The following DDX10 variants were observed in gnomAD, a reference collection of about 807,000 sequenced individuals.
DDX10 encodes probable ATP-dependent RNA helicase DDX10.
In DDX10, 74 loss-of-function variants were observed where a neutral mutation model predicts 104.3. That is an observed-to-expected ratio of 0.71 (90% confidence interval 0.59 to 0.86). The LOEUF is 0.86. Ranked by LOEUF, DDX10 falls within the 40% of genes least tolerant of loss-of-function variation. DDX10 has a pLI of 0.00. For synonymous variants in DDX10, 351 were observed against 353.4 expected (o/e 0.99, Z 0.08); for missense variants, 952 against 1,040.0 (o/e 0.92, Z 1.16).
intron 13 of DDX10, among the ~76,000 whole-genome samples, chr11:108,764,720 A>G (rs537824187): frequency 6.6e-6 from 1 of 152,282 alleles, no homozygotes; most frequent in African/African-American, 2.4e-5. Flanking sequence ...CTGTGAATAT[A>G]AGCAATCACT....
At chr11:108,822,353 T>G in intron 13 of DDX10, 1 of 369,430 alleles carries the variant, frequency 2.7e-6, no homozygotes, top group South Asian at 2.3e-5. Context: ...GTAGCGTTTT[T>G]GAGATTAGCT....
chr11:108,868,966 CT>C (rs36048300), intron 16 of DDX10, among the ~76,000 whole-genome samples: 25 of 137,098 alleles, frequency 1.8e-4, no homozygotes, highest in Non-Finnish European at 2.2e-4. Context: ...AAGAATTAAG[CT>C]TTTTTTTTTT....
At chr11:108,936,593 T>A (rs978777802) in intron 17 of DDX10, among the ~76,000 whole-genome samples, 1 of 152,190 alleles carries the variant, frequency 6.6e-6, no homozygotes, top group Non-Finnish European at 1.5e-5. Context: ...ACAAATGGAC[T>A]CTCTCTTTTT....
At chr11:108,903,755 C>G (rs1011019440) in intron 16 of DDX10, among the ~76,000 whole-genome samples, 1 of 152,090 alleles carries the variant, frequency 6.6e-6, no homozygotes, top group Non-Finnish European at 1.5e-5. Context: ...AACCAAGCCC[C>G]CACAGATACC....
chr11:108,897,018 T>G (rs377059269), intron 16 of DDX10, among the ~76,000 whole-genome samples: 2 of 152,070 alleles, frequency 1.3e-5, no homozygotes. Context: ...TTTAAAAAAT[T>G]TCTTATTACA....
chr11:108,802,994 G>A (rs1335201114), intron 13 of DDX10, among the ~76,000 whole-genome samples: 2 of 152,308 alleles, frequency 1.3e-5, no homozygotes, highest in East Asian at 3.9e-4. Flanking sequence ...AAAGGAAAAA[G>A]CATAGTTTCC....
chr11:108,919,344 A>G (rs1863793071), intron 17 of DDX10: 1 of 152,218 alleles, frequency 6.6e-6, no homozygotes, highest in East Asian at 1.9e-4. Flanking sequence ...TGTTTGTGCC[A>G]TAAGGATTAA....
At chr11:108,816,711 C>G (rs890076693) in intron 13 of DDX10, among the ~76,000 whole-genome samples, 1 of 152,044 alleles carries the variant, frequency 6.6e-6, no homozygotes, top group Admixed American at 6.5e-5. Flanking sequence ...CACCACCAGG[C>G]CCGGCTAATT....
chr11:108,670,954 G>T (rs1236416356), intron 1 of DDX10, among the ~76,000 whole-genome samples: 2 of 152,116 alleles, frequency 1.3e-5, no homozygotes, highest in Non-Finnish European at 2.9e-5. Flanking sequence ...CCAGAGAGTT[G>T]TGAGAAGTAT....
chr11:108,903,908 T>A (rs1005246449), intron 16 of DDX10, among the ~76,000 whole-genome samples: 1 of 152,192 alleles, frequency 6.6e-6, no homozygotes, highest in African/African-American at 2.4e-5. Flanking sequence ...TTTCTGTGGA[T>A]ATGTATTAAG....
chr11:108,810,966 T>G (rs1450331868), intron 13 of DDX10, among the ~76,000 whole-genome samples: 1 of 152,202 alleles, frequency 6.6e-6, no homozygotes, highest in Non-Finnish European at 1.5e-5. Context: ...CTCATAGTAC[T>G]TAAACATTCT....
At chr11:108,913,822 A>G (rs1863711402) in intron 16 of DDX10, among the ~76,000 whole-genome samples, 1 of 152,232 alleles carries the variant, frequency 6.6e-6, no homozygotes, top group East Asian at 1.9e-4. Context: ...GAATGTTTTC[A>G]TTATGGTGAT....
intron 10 of DDX10, among the ~76,000 whole-genome samples, chr11:108,712,570 G>A (rs992459252): frequency 3.3e-5 from 5 of 151,776 alleles, no homozygotes; most frequent in East Asian, 1.9e-4. Flanking sequence ...ACCTTATAAC[G>A]TAATTCTGAT....
intron 5 of DDX10, among the ~76,000 whole-genome samples, chr11:108,678,646 T>TAA (rs1373676202): frequency 2.6e-5 from 4 of 152,176 alleles, no homozygotes; most frequent in Non-Finnish European, 4.4e-5. Context: ...TACGCTTATA[T>TAA]GTGAAATTAG....
At chr11:108,800,442 CAAAAAAA>C (rs61200843) in intron 13 of DDX10, among the ~76,000 whole-genome samples, 5 of 94,412 alleles carry the variant, frequency 5.3e-5, no homozygotes, top group East Asian at 3.5e-4. Context: ...GAGACTCTTT[CAAAAAAA>C]AAAAAAAAAA....
chr11:108,727,270 A>C (rs1387668684), intron 13 of DDX10, among the ~76,000 whole-genome samples: 1 of 152,056 alleles, frequency 6.6e-6, no homozygotes, highest in Non-Finnish European at 1.5e-5. Flanking sequence ...TTCCAATATG[A>C]ATATTAATAA....
intron 13 of DDX10, among the ~76,000 whole-genome samples, chr11:108,739,575 A>G (rs1231815323): frequency 6.6e-6 from 1 of 152,214 alleles, no homozygotes; most frequent in Non-Finnish European, 1.5e-5. Context: ...CTGGCTGTTG[A>G]GTGTAATGAG....
rs537556447 is a variant in DDX10 at position 108,804,014 on chromosome 11, T to G, written c.1966-34432T>G. 3.2e-4 allele frequency among the ~76,000 whole-genome samples: 49 copies of G among 152,354 alleles called. No homozygotes were observed. In the East Asian group the frequency reaches 9.3e-3, roughly 29 times the overall value. On this transcript the variant is annotated intron_variant, in intron 13 of 17. Transcript: ENST00000322536. The stretch of plus-strand genomic sequence containing the variant: ...TTTCCAGGGCAATTTCTTGCTGCTC[T>G]CTTATTTTTAGTTTTGCTTGTTTTG...
intron 13 of DDX10, among the ~76,000 whole-genome samples, chr11:108,804,292 G>T (rs1862066547): frequency 6.6e-6 from 1 of 151,998 alleles, no homozygotes; most frequent in African/African-American, 2.4e-5. Flanking sequence ...GAGCGTAGGG[G>T]CTTGCAGTCA....
Sources: allele counts gnomAD v4.1 joint callset (sites outside exome capture counted in the v4.1 genomes callset), GRCh38; gene constraint gnomAD v4.1.1; transcripts MANE v1.5; gene names NCBI Gene and HGNC (gene_info 2026-07-23, HGNC 2026-07-21).